The following MAPK14 variants were observed in gnomAD, a reference collection of about 807,000 sequenced individuals.
MAPK14 encodes the protein mitogen-activated protein kinase 14.
MAPK14 carries 16 observed loss-of-function variants against 49.6 expected under a neutral mutation model. That is an observed-to-expected ratio of 0.32 (90% CI 0.22 to 0.49). The LOEUF (loss-of-function observed/expected upper bound fraction) is 0.49, where lower values mean the gene tolerates loss of function less well. MAPK14 is among the 20% of genes least tolerant of loss of function. The pLI is 0.99. For synonymous variants in MAPK14, 142 were observed against 158.0 expected (o/e 0.90, Z 0.76); for missense variants, 200 against 441.2 (o/e 0.45, Z 4.90).
intron 3 of MAPK14, among the ~76,000 whole-genome samples, chr6:36,071,282 G>A (rs764829981): frequency 2.6e-5 from 4 of 151,768 alleles, no homozygotes; most frequent in Non-Finnish European, 5.9e-5. Context: ...GCAGTGAGCC[G>A]AGCTTGTGCC....
At chr6:36,086,617 A>G (rs1100858) in intron 8 of MAPK14, among the ~76,000 whole-genome samples, 126,921 of 152,042 alleles carry the variant, frequency 0.83, 53,147 homozygotes, top group East Asian at 0.97. Context: ...CGTTGAATCT[A>G]CCAATAACAA....
chr6:36,060,085 G>C (rs1167759804), intron 3 of MAPK14, among the ~76,000 whole-genome samples: 2 of 152,198 alleles, frequency 1.3e-5, no homozygotes, highest in Non-Finnish European at 2.9e-5. Context: ...AGTAGTGGGG[G>C]GCTAGGGAAA....
At chr6:36,096,175 G>A (rs1422075977) in intron 9 of MAPK14, 109 bp downstream of exon 9, 3 of 737,852 alleles carry the variant, frequency 4.1e-6, no homozygotes, top group Non-Finnish European at 7.1e-6. Context: ...TGCCCTTTGT[G>A]TGCTGACTTC....
rs762914423 is a variant in MAPK14 at position 36,059,364 on chromosome 6, C to T, written c.305+17C>T. 13 of 1,594,058 alleles carry T rather than the reference C, an allele frequency of 8.2e-6. No homozygotes were observed. In the South Asian group the frequency reaches 1.1e-4, roughly 14 times the overall value. ...CAATGATGTGTGAGTAAATTTTTTG[C>T]ATTTGCCTTCCTGGTCTACAGAATG... On this transcript the variant is annotated intron_variant, in intron 3 of 11. Coordinates refer to ENST00000229794, the MANE Select transcript of MAPK14 (RefSeq NM_139012.3).
downstream of MAPK14, among the ~76,000 whole-genome samples, chr6:36,116,186 A>G (rs1026238891): frequency 2.0e-5 from 3 of 152,332 alleles, no homozygotes; most frequent in African/African-American, 7.2e-5. Flanking sequence ...GTACCTATAC[A>G]TAGAATCACC....
chr6:36,030,977 T>C (rs1295447535), intron 1 of MAPK14, among the ~76,000 whole-genome samples: 1 of 152,232 alleles, frequency 6.6e-6, no homozygotes, highest in African/African-American at 2.4e-5. Context: ...GATTTACAAT[T>C]AAGTGTTATC....
chr6:36,076,020 GA>G (rs780505129), intron 7 of MAPK14, 58 bp downstream of exon 7: 20 of 1,565,074 alleles, frequency 1.3e-5, no homozygotes, highest in Non-Finnish European at 1.8e-5. Context: ...ATGCATTTGG[GA>G]TTCTCAGAAA....
Position 36,027,876 on chromosome 6 carries a change from G to A in MAPK14, c.-282G>A. 2.5e-6 allele frequency: 1 copy of A among 405,160 alleles called. No homozygotes were observed. Among genetic ancestry groups the A allele is most frequent in the Non-Finnish European group, 4.3e-6 (1 of 230,818 alleles). The allele number at this position is 405,160 out of a possible 1,614,324, so 25.1% of individuals were successfully genotyped here. ...GACGCAGCCCGGAGTCGGCCTTGTA[G>A]GGGCGAAGGTGCAGGGAGATCGCGG... is the stretch of plus-strand genomic sequence containing the variant. On this transcript the variant is annotated 5_prime_UTR_variant, in exon 1 of 12. Transcript: ENST00000229794.
intron 1 of MAPK14, among the ~76,000 whole-genome samples, chr6:36,047,196 G>T (rs1763212720): frequency 6.6e-6 from 1 of 152,196 alleles, no homozygotes; most frequent in Non-Finnish European, 1.5e-5. Context: ...GTCAGTGAGG[G>T]TGTTGTGACA....
intron 3 of MAPK14, among the ~76,000 whole-genome samples, chr6:36,061,960 G>A (rs1199041407): frequency 1.3e-5 from 2 of 152,092 alleles, no homozygotes; most frequent in Non-Finnish European, 2.9e-5. Context: ...ACTGTAGTTC[G>A]ACTATAGTTA....
At chr6:36,055,283 A>T (rs1323694995) in intron 2 of MAPK14, among the ~76,000 whole-genome samples, 1 of 152,236 alleles carries the variant, frequency 6.6e-6, no homozygotes, top group Non-Finnish European at 1.5e-5. Flanking sequence ...ATGATCAAGG[A>T]AATTGTTTTG....
At chr6:36,064,966 C>CT (rs1435733478) in intron 3 of MAPK14, among the ~76,000 whole-genome samples, 11 of 152,296 alleles carry the variant, frequency 7.2e-5, no homozygotes, top group African/African-American at 2.6e-4. Context: ...GCCTCTTGTT[C>CT]TTTGAGTACA....
chr6:36,118,510 C>T, the MAPK14 span, among the ~76,000 whole-genome samples: 5 of 52,260 alleles, frequency 9.6e-5, no homozygotes, highest in South Asian at 6.9e-3. Context: ...ACCTCCCTGG[C>T]ACTCAACTGA....
intron 8 of MAPK14, among the ~76,000 whole-genome samples, chr6:36,085,008 C>T (rs1193703784): frequency 2.6e-5 from 4 of 152,256 alleles, no homozygotes; most frequent in South Asian, 2.1e-4. Context: ...AGAAGAGATT[C>T]GGGGCCAATA....
At chr6:36,065,719 T>G (rs145693579) in intron 3 of MAPK14, among the ~76,000 whole-genome samples, 1 of 152,246 alleles carries the variant, frequency 6.6e-6, no homozygotes, top group East Asian at 1.9e-4. Context: ...TTTACTTTTA[T>G]GTGGGATGAC....
intron 7 of MAPK14, 42 bp downstream of exon 7, chr6:36,076,004 T>C (rs1764517699): frequency 6.2e-7 from 1 of 1,600,176 alleles, no homozygotes. Context: ...TTTAATTCCA[T>C]GTTGGATGCA....
At position 36,100,932 on chromosome 6, in the gene MAPK14, G is replaced by A. The variant is rs115917435; in HGVS notation, c.763-1639G>A. On this transcript the variant is annotated intron_variant, in intron 9 of 11. Transcript: ENST00000229794. ...TTTCTACTTCAGCTATATTCAGGTC[G>A]TCTTTTGATTTATCTTTATTAAAGG... Among the ~76,000 whole-genome samples, 1,363 of 152,162 alleles carry A rather than the reference G, an allele frequency of 9.0e-3. 16 individuals carry two copies. The highest frequency in any genetic ancestry group is 0.031 in the African/African-American group (1,303 of 41,512).
chr6:36,051,265 G>C (rs1054423825), intron 1 of MAPK14, among the ~76,000 whole-genome samples: 1 of 151,830 alleles, frequency 6.6e-6, no homozygotes, highest in Non-Finnish European at 1.5e-5. Context: ...ACAGGCACCT[G>C]CCACTGCGCC....
At chr6:36,083,396 C>T (rs1764843593) in intron 8 of MAPK14, among the ~76,000 whole-genome samples, 1 of 152,236 alleles carries the variant, frequency 6.6e-6, no homozygotes, top group African/African-American at 2.4e-5. Flanking sequence ...GTCCCAAGCA[C>T]AGAGCTGTGT....
Sources: allele counts gnomAD v4.1 joint callset (sites outside exome capture counted in the v4.1 genomes callset), GRCh38; gene constraint gnomAD v4.1.1; transcripts MANE v1.5; gene names NCBI Gene and HGNC (gene_info 2026-07-23, HGNC 2026-07-21).